LINGO2: variants seen among roughly 807,000 people sequenced by gnomAD.
LINGO2 encodes leucine rich repeat and Ig domain containing 2, also known as leucine-rich repeat and immunoglobulin-like domain-containing nogo receptor-interacting protein 2.
LINGO2 carries 14 observed loss-of-function variants against 30.6 expected under a neutral mutation model. That is an observed-to-expected ratio of 0.46 (90% CI 0.30 to 0.72). The LOEUF is 0.72. Among genes scored for constraint, LINGO2 ranks in the 30% least tolerant of loss-of-function variants. The pLI, the probability that LINGO2 is intolerant of heterozygous loss-of-function variation, is 0.07. For missense variants in LINGO2, 729 were observed against 751.7 expected (o/e 0.97, Z 0.35); for synonymous variants, 317 against 288.5 (o/e 1.10, Z -1.00).
At chr9:28,576,277 G>A (rs570202737) in intron 1 of LINGO2, among the ~76,000 whole-genome samples, 3 of 152,280 alleles carry the variant, frequency 2.0e-5, no homozygotes, top group African/African-American at 7.2e-5. Flanking sequence ...GTTCAACTAC[G>A]TATCATTAGA....
chr9:29,081,761 AT>A, the LINGO2 span, among the ~76,000 whole-genome samples: 1 of 152,158 alleles, frequency 6.6e-6, no homozygotes. Context: ...AATGTGCAAA[AT>A]TCACAAGCAT....
At chr9:28,575,378 G>A (rs1472584040) in intron 1 of LINGO2, among the ~76,000 whole-genome samples, 1 of 143,818 alleles carries the variant, frequency 7.0e-6, no homozygotes, top group Non-Finnish European at 1.5e-5. Context: ...CAGCCCGGGT[G>A]ACAGACAGAC....
the LINGO2 span, among the ~76,000 whole-genome samples, chr9:28,803,101 T>G: frequency 6.6e-6 from 1 of 152,176 alleles, no homozygotes. Flanking sequence ...TAACTAAAAA[T>G]ATCAGTGCAT....
intron 4 of LINGO2, among the ~76,000 whole-genome samples, chr9:28,144,140 A>G (rs1021762002): frequency 1.4e-4 from 22 of 152,326 alleles, no homozygotes; most frequent in African/African-American, 5.3e-4. Flanking sequence ...TTCTTAAAAA[A>G]TTAATTGATC....
the LINGO2 span, among the ~76,000 whole-genome samples, chr9:28,994,158 A>C: frequency 6.6e-6 from 1 of 152,168 alleles, no homozygotes; most frequent in Admixed American, 6.6e-5. Context: ...CTGATAAGCA[A>C]CTTCAGCAAA....
chr9:28,005,098 T>G (rs1048111272), intron 5 of LINGO2, among the ~76,000 whole-genome samples: 2 of 152,116 alleles, frequency 1.3e-5, no homozygotes, highest in Non-Finnish European at 2.9e-5. Flanking sequence ...TTCCTTCCCT[T>G]GGAAAAAGGG....
the LINGO2 span, chr9:27,940,147 TTTC>T: frequency 3.9e-5 from 6 of 152,082 alleles, no homozygotes; most frequent in African/African-American, 1.4e-4. Flanking sequence ...TTTTTTAAAT[TTTC>T]TTATTTTTTT....
rs563533795 is a variant in LINGO2 at position 28,426,909 on chromosome 9, A to G, written c.-279+49031T>C. Among the ~76,000 whole-genome samples the G allele has an allele frequency of 6.6e-5, 10 of 152,234 alleles. No individual in the cohort carries two copies. The South Asian group carries it at 2.1e-3, about 32-fold the overall frequency. On this transcript the variant is annotated intron_variant, in intron 2 of 5. Coordinates refer to ENST00000379992, the Ensembl canonical transcript of LINGO2. ...TCTTTCTGTCTTTCCTCTGAAACTG[A>G]AAAGCATGAGGTCCTGATTTTTACT...
intron 5 of LINGO2, among the ~76,000 whole-genome samples, chr9:27,963,037 C>T (rs1819924264): frequency 4.6e-5 from 7 of 152,074 alleles, no homozygotes; most frequent in Admixed American, 4.6e-4. Context: ...AAAGAAGCAA[C>T]ATGAAAGACT....
chr9:29,053,073 C>A, the LINGO2 span, among the ~76,000 whole-genome samples: 1 of 151,860 alleles, frequency 6.6e-6, no homozygotes, highest in African/African-American at 2.4e-5. Context: ...GTAAAATATC[C>A]TTTCTCTTCT....
At chr9:28,914,292 A>G in the LINGO2 span, among the ~76,000 whole-genome samples, 2 of 152,194 alleles carry the variant, frequency 1.3e-5, no homozygotes, top group African/African-American at 2.4e-5. Flanking sequence ...CAGACCAGAT[A>G]AAAGTATCTT....
chr9:28,088,935 C>T (rs1402513148), intron 4 of LINGO2, among the ~76,000 whole-genome samples: 1 of 152,112 alleles, frequency 6.6e-6, no homozygotes, highest in Non-Finnish European at 1.5e-5. Context: ...ATAAAACAGA[C>T]TTTAAACCAA....
chr9:28,892,008 A>C, the LINGO2 span, among the ~76,000 whole-genome samples: 1 of 151,958 alleles, frequency 6.6e-6, no homozygotes, highest in African/African-American at 2.4e-5. Flanking sequence ...CCAGTGTCTG[A>C]TCTTTAGAGA....
At chr9:29,072,651 G>A in the LINGO2 span, among the ~76,000 whole-genome samples, 1 of 132,138 alleles carries the variant, frequency 7.6e-6, no homozygotes, top group Admixed American at 7.6e-5. Context: ...AAATAATTGG[G>A]AATCCCCTCA....
chr9:28,369,708 G>T (rs1043245651), intron 3 of LINGO2, among the ~76,000 whole-genome samples: 3 of 152,206 alleles, frequency 2.0e-5, no homozygotes, highest in African/African-American at 7.2e-5. Context: ...AAAGTGGCAA[G>T]AACTAGGGCT....
At chr9:28,748,094 T>C in the LINGO2 span, among the ~76,000 whole-genome samples, 1 of 151,994 alleles carries the variant, frequency 6.6e-6, no homozygotes. Flanking sequence ...CTTATTGAGG[T>C]CTATGGTGAT....
chr9:28,587,879 T>C (rs969431844), intron 1 of LINGO2, among the ~76,000 whole-genome samples: 6 of 151,952 alleles, frequency 3.9e-5, no homozygotes, highest in African/African-American at 1.4e-4. Context: ...AGAACATTTT[T>C]GTGAAAACAG....
chr9:28,638,290 T>G (rs1415972235), intron 1 of LINGO2, among the ~76,000 whole-genome samples: 41 of 152,192 alleles, frequency 2.7e-4, no homozygotes, highest in Admixed American at 2.7e-3. Flanking sequence ...CTTTTTTTGT[T>G]GTGTCCCTGT....
intron 1 of LINGO2, among the ~76,000 whole-genome samples, chr9:28,538,822 T>C (rs1821547623): frequency 6.6e-6 from 1 of 152,100 alleles, no homozygotes; most frequent in African/African-American, 2.4e-5. Flanking sequence ...CATTGTTGCA[T>C]TGGGGTTTTG....
Sources: allele counts gnomAD v4.1 joint callset (sites outside exome capture counted in the v4.1 genomes callset), GRCh38; gene constraint gnomAD v4.1.1; transcripts MANE v1.5; gene names NCBI Gene and HGNC (gene_info 2026-07-23, HGNC 2026-07-21).